LHFPL3: variants seen among roughly 807,000 people sequenced by gnomAD.
LHFPL3 encodes the protein LHFPL tetraspan subfamily member 3, also known as LHFPL tetraspan subfamily member 3 protein.
In LHFPL3, 5 loss-of-function variants were observed where a neutral mutation model predicts 19.3. The observed-to-expected ratio is 0.26, with a 90% CI of 0.14 to 0.54. The LOEUF (loss-of-function observed/expected upper bound fraction) is 0.54, where lower values mean the gene tolerates loss of function less well. LHFPL3 is among the 20% of genes least tolerant of loss of function. The pLI is 0.94. For synonymous variants in LHFPL3, 133 were observed against 126.2 expected (o/e 1.05, Z -0.36); for missense variants, 249 against 307.4 (o/e 0.81, Z 1.42).
chr7:104,358,839 G>C (rs902372088), intron 1 of LHFPL3, among the ~76,000 whole-genome samples: 5 of 152,328 alleles, frequency 3.3e-5, no homozygotes, highest in South Asian at 2.1e-4. Flanking sequence ...TCTTTATTGA[G>C]AGCTGTGATT....
At chr7:104,672,049 T>A (rs1792494007) in intron 1 of LHFPL3, among the ~76,000 whole-genome samples, 1 of 126,420 alleles carries the variant, frequency 7.9e-6, no homozygotes, top group African/African-American at 3.2e-5. Flanking sequence ...TTCAAAACTT[T>A]AACTTCCAAG....
intron 1 of LHFPL3, among the ~76,000 whole-genome samples, chr7:104,523,080 C>T (rs1188581043): frequency 1.5e-5 from 2 of 129,804 alleles, no homozygotes; most frequent in Non-Finnish European, 3.3e-5. Flanking sequence ...TACACATATG[C>T]ATGTTATATA....
At chr7:104,664,809 T>G (rs762241073) in intron 1 of LHFPL3, among the ~76,000 whole-genome samples, 12 of 152,162 alleles carry the variant, frequency 7.9e-5, no homozygotes, top group Non-Finnish European at 1.3e-4. Flanking sequence ...GTCCTGAAAG[T>G]GCCATCTATC....
chr7:104,674,957 G>A (rs1030317095), intron 1 of LHFPL3, among the ~76,000 whole-genome samples: 1 of 152,234 alleles, frequency 6.6e-6, no homozygotes, highest in Non-Finnish European at 1.5e-5. Flanking sequence ...CAACTATGCT[G>A]TAGGGTACTA....
chr7:104,550,420 GGGCAAGGAGGAGACCACA>G (rs1185594821), intron 1 of LHFPL3, among the ~76,000 whole-genome samples: 1 of 152,120 alleles, frequency 6.6e-6, no homozygotes, highest in African/African-American at 2.4e-5. Context: ...GACAGTTCCA[GGGCAAGGAGGAGACCACA>G]GGCAATGTGG....
chr7:104,704,524 CTT>C (rs200846185), intron 1 of LHFPL3, among the ~76,000 whole-genome samples: 63 of 146,630 alleles, frequency 4.3e-4, no homozygotes, highest in Middle Eastern at 3.5e-3. Context: ...GGATAGAGTA[CTT>C]TTTTTTTTTT....
chr7:104,498,027 C>A (rs1258595133), intron 1 of LHFPL3, among the ~76,000 whole-genome samples: 8 of 152,306 alleles, frequency 5.3e-5, no homozygotes, highest in Admixed American at 1.3e-4. Flanking sequence ...TGGGGTGGAA[C>A]AAGCATAGCT....
At chr7:104,745,920 C>G (rs1794037683) in intron 2 of LHFPL3, among the ~76,000 whole-genome samples, 4 of 152,088 alleles carry the variant, frequency 2.6e-5, no homozygotes, top group Admixed American at 2.0e-4. Flanking sequence ...ACAAATGTCC[C>G]CTCTCATCTA....
intron 1 of LHFPL3, among the ~76,000 whole-genome samples, chr7:104,537,762 T>A (rs1302325116): frequency 6.6e-6 from 1 of 152,254 alleles, no homozygotes; most frequent in African/African-American, 2.4e-5. Context: ...ACAGTGCTTT[T>A]GCTAATCTAA....
chr7:104,758,953 A>G (rs1051622576), intron 2 of LHFPL3, among the ~76,000 whole-genome samples: 1 of 152,214 alleles, frequency 6.6e-6, no homozygotes, highest in Non-Finnish European at 1.5e-5. Flanking sequence ...TGCAAATAAG[A>G]AATTGTCATT....
intron 1 of LHFPL3, among the ~76,000 whole-genome samples, chr7:104,726,469 C>T (rs564668584): frequency 6.6e-6 from 1 of 152,128 alleles, no homozygotes; most frequent in Admixed American, 6.5e-5. Flanking sequence ...AGCTATTTTT[C>T]CTGACGGGCT....
intron 1 of LHFPL3, among the ~76,000 whole-genome samples, chr7:104,381,859 C>G (rs906474444): frequency 6.6e-6 from 1 of 152,196 alleles, no homozygotes; most frequent in African/African-American, 2.4e-5. Context: ...AATATCACTG[C>G]TTCCACTGAA....
chr7:104,539,793 A>G (rs1232675206), intron 1 of LHFPL3, among the ~76,000 whole-genome samples: 1 of 152,246 alleles, frequency 6.6e-6, no homozygotes, highest in East Asian at 1.9e-4. Context: ...CTTTTTTAGT[A>G]TAAAAGTTAC....
At chr7:104,460,498 C>T (rs1411815710) in intron 1 of LHFPL3, among the ~76,000 whole-genome samples, 1 of 152,208 alleles carries the variant, frequency 6.6e-6, no homozygotes, top group African/African-American at 2.4e-5. Flanking sequence ...TTCTCCACAA[C>T]CTCACTAGCA....
At chr7:104,819,750 G>A (rs1790641931) in intron 2 of LHFPL3, among the ~76,000 whole-genome samples, 2 of 152,072 alleles carry the variant, frequency 1.3e-5, no homozygotes, top group South Asian at 4.2e-4. Flanking sequence ...TTGCTGATAT[G>A]TGCGTACTTT....
At chr7:104,833,374 ATTATATATATAATAGG>A (rs1791026827) in intron 2 of LHFPL3, among the ~76,000 whole-genome samples, 1 of 5,094 alleles carries the variant, frequency 2.0e-4, no homozygotes, top group African/African-American at 6.4e-4. Flanking sequence ...ATATATATAT[ATTATATATATAATAGG>A]ATATATATAT....
At chr7:104,544,508 C>T (rs768876534) in intron 1 of LHFPL3, among the ~76,000 whole-genome samples, 2 of 152,170 alleles carry the variant, frequency 1.3e-5, no homozygotes, top group Non-Finnish European at 2.9e-5. Flanking sequence ...GTAACATTTT[C>T]TTCTCCAGTT....
intron 2 of LHFPL3, among the ~76,000 whole-genome samples, chr7:104,745,106 C>A (rs1040445923): frequency 3.3e-5 from 5 of 152,286 alleles, no homozygotes; most frequent in African/African-American, 9.6e-5. Context: ...ATACTCCCCA[C>A]AAAATATCCA....
intron 1 of LHFPL3, among the ~76,000 whole-genome samples, chr7:104,509,266 GA>G (rs5886324): frequency 0.51 from 74,114 of 145,384 alleles, 18,715 homozygotes; most frequent in African/African-American, 0.58. Flanking sequence ...AGGAAGAAAG[GA>G]AAAAAAAAAA....
Sources: allele counts gnomAD v4.1 joint callset (sites outside exome capture counted in the v4.1 genomes callset), GRCh38; gene constraint gnomAD v4.1.1; transcripts MANE v1.5; gene names NCBI Gene and HGNC (gene_info 2026-07-23, HGNC 2026-07-21).